RYR2: variants seen among roughly 807,000 people sequenced by gnomAD.
RYR2 encodes cardiac muscle ryanodine receptor-calcium release channel.
In RYR2, 227 loss-of-function variants were observed where a neutral mutation model predicts 601.1. The ratio of observed to expected loss-of-function variants is 0.38; its 90% CI spans 0.34 to 0.42. The LOEUF is 0.42. Ranked by LOEUF, RYR2 falls within the 10% of genes least tolerant of loss-of-function variation. The pLI is 1.00. For missense variants in RYR2, 4,646 were observed against 6,156.5 expected, an observed-to-expected ratio of 0.75 and a Z score of 8.21; for synonymous variants, 2,223 against 2,175.1, an observed-to-expected ratio of 1.02 and a Z score of -0.61.
intron 29 of RYR2, among the ~76,000 whole-genome samples, chr1:237,588,933 A>G (rs1674840503): frequency 6.6e-6 from 1 of 152,056 alleles, no homozygotes; most frequent in South Asian, 2.1e-4. Context: ...ATACCATCTC[A>G]TTGTCTTGCC....
chr1:237,597,344 G>A (rs1676005532), intron 34 of RYR2, among the ~76,000 whole-genome samples: 1 of 151,166 alleles, frequency 6.6e-6, no homozygotes, highest in South Asian at 2.1e-4. Context: ...GGTAATGGTG[G>A]GATCTTGGCT....
At chr1:237,093,754 A>T (rs537971947) in intron 1 of RYR2, among the ~76,000 whole-genome samples, 34 of 152,286 alleles carry the variant, frequency 2.2e-4, no homozygotes, top group African/African-American at 7.9e-4. Context: ...GGCCAGAGAG[A>T]TTAATCGATT....
chr1:237,536,633 T>G (rs1021539915), intron 25 of RYR2, among the ~76,000 whole-genome samples: 1 of 145,280 alleles, frequency 6.9e-6, no homozygotes, highest in African/African-American at 2.6e-5. Context: ...GAGAATGGCG[T>G]GAATCCGGGA....
intron 1 of RYR2, among the ~76,000 whole-genome samples, chr1:237,173,781 G>A (rs1045357316): frequency 8.5e-5 from 13 of 152,180 alleles, no homozygotes; most frequent in Non-Finnish European, 1.8e-4. Flanking sequence ...TGTTGGCCGG[G>A]CGCGGTGGCT....
At chr1:237,704,707 A>G (rs1688229022) in intron 66 of RYR2, among the ~76,000 whole-genome samples, 1 of 151,866 alleles carries the variant, frequency 6.6e-6, no homozygotes, top group Admixed American at 6.6e-5. Context: ...TGTGCAATTA[A>G]TTTTGCGGTT....
chr1:237,390,878 G>C (rs1702318217), intron 10 of RYR2, among the ~76,000 whole-genome samples: 1 of 152,128 alleles, frequency 6.6e-6, no homozygotes, highest in Non-Finnish European at 1.5e-5. Flanking sequence ...GGTAGTGATG[G>C]TGGTAAGAAC....
At chr1:237,264,091 G>GCACA (rs34623856) in intron 1 of RYR2, among the ~76,000 whole-genome samples, 5,544 of 147,424 alleles carry the variant, frequency 0.038, 279 homozygotes, top group African/African-American at 0.12. Flanking sequence ...ACATGCACAT[G>GCACA]CACACACACA....
chr1:237,428,515 C>T (rs1352191138), intron 12 of RYR2, among the ~76,000 whole-genome samples: 2 of 151,680 alleles, frequency 1.3e-5, no homozygotes, highest in Non-Finnish European at 2.9e-5. Context: ...CCAAGTGCTA[C>T]ATGTTCTCAC....
At chr1:237,061,795 G>C (rs561810691) in intron 1 of RYR2, among the ~76,000 whole-genome samples, 1 of 151,492 alleles carries the variant, frequency 6.6e-6, no homozygotes, top group Admixed American at 6.6e-5. Context: ...TTAAATCATG[G>C]TTTGTGGTTT....
chr1:237,050,036 G>T (rs1661059257), intron 1 of RYR2, among the ~76,000 whole-genome samples: 1 of 152,160 alleles, frequency 6.6e-6, no homozygotes, highest in Non-Finnish European at 1.5e-5. Flanking sequence ...TGGTGTTGCT[G>T]CAATGAAATG....
chr1:237,696,925 A>G (rs1687502380), intron 63 of RYR2, among the ~76,000 whole-genome samples: 1 of 152,156 alleles, frequency 6.6e-6, no homozygotes, highest in Admixed American at 6.5e-5. Flanking sequence ...TTGCTCTTCC[A>G]GAATTTCCCA....
At chr1:237,757,466 C>T (rs1295870399) in intron 81 of RYR2, among the ~76,000 whole-genome samples, 1 of 152,114 alleles carries the variant, frequency 6.6e-6, no homozygotes, top group Non-Finnish European at 1.5e-5. Context: ...TCTATATCTT[C>T]TTATGGTTTC....
chr1:237,818,315 T>C (rs1662064612), intron 100 of RYR2, among the ~76,000 whole-genome samples: 1 of 152,108 alleles, frequency 6.6e-6, no homozygotes, highest in Admixed American at 6.5e-5. Context: ...TAAAATAGCA[T>C]ACAGTGCACA....
intron 36 of RYR2, among the ~76,000 whole-genome samples, chr1:237,612,673 C>A (rs1336664098): frequency 6.6e-6 from 1 of 151,900 alleles, no homozygotes; most frequent in Non-Finnish European, 1.5e-5. Flanking sequence ...ACCGAACAAC[C>A]AAAACAAACA....
intron 44 of RYR2, among the ~76,000 whole-genome samples, chr1:237,636,088 A>G (rs1364457766): frequency 6.6e-6 from 1 of 152,128 alleles, no homozygotes; most frequent in Non-Finnish European, 1.5e-5. Context: ...GGAAATGTAA[A>G]TATTTGTATA....
At chr1:237,762,992 A>C (rs1693549681) in intron 84 of RYR2, among the ~76,000 whole-genome samples, 1 of 152,146 alleles carries the variant, frequency 6.6e-6, no homozygotes, top group South Asian at 2.1e-4. Flanking sequence ...TGATAGTGAC[A>C]ATTTCCGTGC....
intron 29 of RYR2, among the ~76,000 whole-genome samples, chr1:237,577,113 A>G (rs1673306388): frequency 1.3e-5 from 2 of 152,176 alleles, no homozygotes. Context: ...CCAGTTTTTT[A>G]GCTACACTAG....
chr1:237,197,372 A>G (rs1267234696), intron 1 of RYR2, among the ~76,000 whole-genome samples: 1 of 152,208 alleles, frequency 6.6e-6, no homozygotes, highest in Non-Finnish European at 1.5e-5. Context: ...GTTTTCATAA[A>G]TTGGTGTAAA....
intron 2 of RYR2, among the ~76,000 whole-genome samples, chr1:237,292,559 T>C (rs1382694854): frequency 3.9e-5 from 6 of 152,188 alleles, no homozygotes; most frequent in Admixed American, 3.3e-4. Flanking sequence ...GATGAAGTAC[T>C]CTGTCAGAAA....
Sources: gnomAD v4.1 joint callset for allele counts (sites outside exome capture counted in the v4.1 genomes callset) on GRCh38, gnomAD v4.1.1 for gene constraint, MANE v1.5 for transcripts, NCBI Gene and HGNC (gene_info 2026-07-23, HGNC 2026-07-21) for gene names.